Variants in ZNF324B observed in about 807,000 individuals in gnomAD.
ZNF324B encodes the protein zinc finger protein 324B.
A neutral mutation model predicts 10.6 loss-of-function variants in ZNF324B; 7 were observed. The observed-to-expected ratio is 0.66, with a 90% CI of 0.38 to 1.24. The LOEUF (loss-of-function observed/expected upper bound fraction) is 1.24, where lower values mean the gene tolerates loss of function less well. Ranked by LOEUF, ZNF324B falls within the 50% of genes most tolerant of loss-of-function variation. The pLI is 0.02. For synonymous variants in ZNF324B, 316 were observed against 321.0 expected (o/e 0.98, Z 0.17); for missense variants, 640 against 764.7 (o/e 0.84, Z 1.92).
intron 1 of ZNF324B, chr19:58,453,155 G>A (rs2052878619): frequency 6.6e-6 from 1 of 152,660 alleles, no homozygotes; most frequent in Admixed American, 6.5e-5. Flanking sequence ...CATGTGGAGG[G>A]AGGAAGGGAT....
intron 1 of ZNF324B, chr19:58,452,101 G>A (rs12981083): frequency 0.21 from 35,818 of 173,358 alleles, 3,638 homozygotes; most frequent in African/African-American, 0.25. Context: ...GGGGGTTGCG[G>A]GGGTCAGTGC....
the ZNF324B span, among the ~76,000 whole-genome samples, chr19:58,431,951 C>T: frequency 2.6e-5 from 4 of 152,000 alleles, no homozygotes; most frequent in African/African-American, 7.3e-5. Context: ...GCCAAAATCG[C>T]GCCACTGCAC....
At chr19:58,436,667 C>CAAAAAAA in the ZNF324B span, among the ~76,000 whole-genome samples, 1 of 65,550 alleles carries the variant, frequency 1.5e-5, no homozygotes, top group Non-Finnish European at 2.8e-5. Context: ...GACTCCATCT[C>CAAAAAAA]AAAAAAAAAA....
At chr19:58,431,716 G>C in the ZNF324B span, among the ~76,000 whole-genome samples, 1 of 152,220 alleles carries the variant, frequency 6.6e-6, no homozygotes, top group African/African-American at 2.4e-5. Context: ...TGCCGGCCAG[G>C]TGCGGTGGCT....
chr19:58,446,573 C>CTCTCTTTTTTTTT, the ZNF324B span, among the ~76,000 whole-genome samples: 14 of 102,504 alleles, frequency 1.4e-4, no homozygotes, highest in African/African-American at 1.4e-4. Flanking sequence ...ATTTCTTTCT[C>CTCTCTTTTTTTTT]TTTTTTTTTT....
At chr19:58,447,705 C>CA (rs1049097979), upstream of ZNF324B, among the ~76,000 whole-genome samples, 1 of 151,932 alleles carries the variant, frequency 6.6e-6, no homozygotes, top group African/African-American at 2.4e-5. Context: ...CTCGTTTCTA[C>CA]AAAAAAAGTA....
chr19:58,455,869 G>A lies in ZNF324B; in HGVS notation c.925G>A (p.Gly309Ser), dbSNP rs1404349971. Residue 309 changes from glycine to serine, a missense_variant, in exon 4 of 4, where the codon GGC (glycine) becomes AGC (serine). By Grantham distance (56) the Gly-to-Ser change is moderately conservative (BLOSUM62 0). Around this residue, in one of 3 missense-constraint regions of ZNF324B, gnomAD observed 57 missense variants for 118.8 expected, o/e 0.48. Coordinates refer to ENST00000336614, the MANE Select transcript of ZNF324B (RefSeq NM_207395.3). This position sits in a 1 kb window ranked among gnomAD's most constrained non-coding sequence, Gnocchi z 7.0. Reference sequence around the variant, plus strand: ...GACGCAGCACCAGCGCATCCACAGCGGCGAGACGCCCTACGCGTGCCCCGT... The same window carrying A: ...GACGCAGCACCAGCGCATCCACAGCAGCGAGACGCCCTACGCGTGCCCCGT... ...HLTQHQRIHS[G>S]ETPYACPVCG... The A allele has an allele frequency of 9.9e-6, 16 of 1,609,316 alleles. No individual in the cohort carries two copies. Among genetic ancestry groups the A allele is most frequent in the Non-Finnish European group, 1.4e-5 (16 of 1,177,528 alleles).
chr19:58,450,085 C>G (rs566463721), upstream of ZNF324B, among the ~76,000 whole-genome samples: 311 of 152,180 alleles, frequency 2.0e-3, 2 homozygotes, highest in Non-Finnish European at 4.0e-3. Flanking sequence ...CCATACTATT[C>G]TTGTGGTAGT....
At position 58,456,034 on chromosome 19, in the gene ZNF324B, G is replaced by A. The variant is rs749583404; in HGVS notation, c.1090G>A (p.Ala364Thr). Reference protein sequence around the residue: ...SNLSQHRKIHAGGRPYACAQC... With the variant: ...SNLSQHRKIHTGGRPYACAQC... ...CCTCAGCCAGCACCGCAAGATCCAC[G>A]CGGGTGGGCGTCCTTATGCTTGCGC... The change falls in exon 4 of 4, where the codon GCG becomes ACG. Residue 364 changes from alanine (A) to threonine (T), a missense_variant. This residue lies in a region of ZNF324B where 57 missense variants were observed against 118.8 expected (regional missense o/e 0.48). Transcript: ENST00000336614. This position sits in a 1 kb window ranked among gnomAD's most constrained non-coding sequence, Gnocchi z 4.7. 3 of 1,604,246 alleles carry A rather than the reference G, an allele frequency of 1.9e-6. No individual in the cohort carries two copies. The highest frequency in any genetic ancestry group is 8.5e-7 in the Non-Finnish European group (1 of 1,175,244).
At position 58,455,540 on chromosome 19, in the gene ZNF324B, C is replaced by G; in HGVS notation, c.596C>G (p.Ala199Gly). The G allele has an allele frequency of 6.2e-7, 1 of 1,614,092 alleles. No homozygotes were observed. The highest frequency in any genetic ancestry group is 8.5e-7 in the Non-Finnish European group (1 of 1,180,016). The change falls in exon 4 of 4, where the codon GCA becomes GGA. Residue 199 changes from alanine (A) to glycine (G), a missense_variant. Physicochemically the swap from Ala to Gly is moderately conservative, Grantham distance 60 (BLOSUM62 0). Coordinates refer to ENST00000336614, the MANE Select transcript of ZNF324B (RefSeq NM_207395.3). This position sits in a 1 kb window ranked among gnomAD's most constrained non-coding sequence, Gnocchi z 7.0. ...ACGCCTGAGCGGCAGAAGCCATGTG[C>G]ACAGGAGGTCCCTGGGAGAGCCTTC... is the stretch of plus-strand genomic sequence containing the variant. The part of the protein sequence containing the change: ...PRTPERQKPC[A>G]QEVPGRAFGN...
At chr19:58,425,255 C>CA in the ZNF324B span, among the ~76,000 whole-genome samples, 18,363 of 136,270 alleles carry the variant, frequency 0.13, 1,391 homozygotes, top group East Asian at 0.38. Context: ...GACTCCATCT[C>CA]AAAAAAAAAA....
chr19:58,454,883 G>C, intron 3 of ZNF324B: 1 of 564,396 alleles, frequency 1.8e-6, no homozygotes, highest in East Asian at 3.2e-5. Flanking sequence ...GGGAGGGGGT[G>C]GAACAGCCAG....
At chr19:58,434,007 T>C in the ZNF324B span, 72 of 1,614,080 alleles carry the variant, frequency 4.5e-5, no homozygotes, top group Non-Finnish European at 6.0e-5. Flanking sequence ...CAGTGTGAAC[T>C]TTCTGATGTC....
rs781095925 is a variant in ZNF324B, at chr19:58,455,314, C to T, written c.370C>T (p.Arg124Ter). The T allele has an allele frequency of 4.3e-6, 7 of 1,614,218 alleles. No homozygotes were observed. The highest frequency in any genetic ancestry group is 2.2e-5 in the South Asian group (2 of 91,086). The change falls in exon 4 of 4, where the codon CGA becomes TGA. Residue 124 changes from arginine (R) to a stop codon, truncating the protein, a stop_gained. Transcript: ENST00000336614. LOFTEE classifies it low-confidence loss of function (END_TRUNC). This position sits in a 1 kb window ranked among gnomAD's most constrained non-coding sequence, Gnocchi z 7.0. The part of the protein sequence containing the change: ...DACHSVKSLQ[R>*]QPGASPSQER... The stretch of plus-strand genomic sequence containing the variant: ...CTGCCACAGTGTAAAAAGCCTGCAG[C>T]GACAACCGGGTGCCTCCCCATCTCA...
At chr19:58,433,287 G>T in the ZNF324B span, 3 of 1,573,970 alleles carry the variant, frequency 1.9e-6, no homozygotes, top group Non-Finnish European at 2.6e-6. Flanking sequence ...CTTGGCTGAA[G>T]ATTTTCTCAC....
upstream of ZNF324B, chr19:58,451,500 T>A: frequency 2.4e-6 from 1 of 414,874 alleles, no homozygotes; most frequent in Admixed American, 2.8e-5. Flanking sequence ...AGACTGGTAA[T>A]GGCCCCGCCT....
At chr19:58,431,759 A>G in the ZNF324B span, among the ~76,000 whole-genome samples, 2 of 152,204 alleles carry the variant, frequency 1.3e-5, no homozygotes, top group African/African-American at 2.4e-5. Flanking sequence ...TGGGAGTCCA[A>G]GGCAGGCAGA....
At chr19:58,445,348 C>G in the ZNF324B span, 26 of 505,652 alleles carry the variant, frequency 5.1e-5, no homozygotes, top group Non-Finnish European at 9.0e-5. Flanking sequence ...GCAGCTCCTG[C>G]CTTGATGTGC....
the ZNF324B span, chr19:58,439,734 AG>A: frequency 1.3e-6 from 2 of 1,499,680 alleles, no homozygotes; most frequent in Non-Finnish European, 1.8e-6. Flanking sequence ...CCAGCGGGTG[AG>A]GGCCTGGGGC....
Sources: gnomAD v4.1 joint callset for allele counts (sites outside exome capture counted in the v4.1 genomes callset) on GRCh38, gnomAD v4.1.1 for gene constraint, gnomAD v4.1.1 regional missense constraint, Gnocchi (gnomAD v3.1) non-coding constraint, MANE v1.5 for transcripts, NCBI Gene and HGNC (gene_info 2026-07-23, HGNC 2026-07-21) for gene names.